CPPED1: variants seen among roughly 807,000 people sequenced by gnomAD.
The protein encoded by CPPED1 is serine/threonine-protein phosphatase CPPED1.
Under a neutral mutation model 28.0 loss-of-function variants are expected in CPPED1, and 28 were observed. That is an observed-to-expected ratio of 1.00 (90% CI 0.74 to 1.37). The LOEUF (loss-of-function observed/expected upper bound fraction) is 1.37. Among genes scored for constraint, CPPED1 ranks in the 40% most tolerant of loss-of-function variants. The pLI, the probability that CPPED1 is intolerant of heterozygous loss-of-function variation, is 0.00. For synonymous variants in CPPED1, 198 were observed against 180.2 expected, an observed-to-expected ratio of 1.10 and a Z score of -0.79; for missense variants, 504 against 416.5, an observed-to-expected ratio of 1.21 and a Z score of -1.83.
Position 12,686,294 on chromosome 16 carries a change from CCTGGG to C in CPPED1, c.715+18325_715+18329del, listed in dbSNP as rs550562614. On this transcript the variant is annotated intron_variant, in intron 3 of 3. Coordinates refer to ENST00000381774, the MANE Select transcript of CPPED1 (RefSeq NM_018340.3). ...ATGTTGCCCAGGCTGGTCATGAACT[CCTGGG>C]CTCAAGTGATCTTCCTCCCTCAGCT... Among the ~76,000 whole-genome samples, 174 of 151,314 alleles carry C rather than the reference CCTGGG, an allele frequency of 1.1e-3. 1 individual carries two copies. Among genetic ancestry groups the C allele is most frequent in the Middle Eastern group, 3.4e-3 (1 of 292 alleles).
At chr16:12,685,189 G>A (rs983781696) in intron 3 of CPPED1, among the ~76,000 whole-genome samples, 3 of 152,184 alleles carry the variant, frequency 2.0e-5, no homozygotes, top group South Asian at 2.1e-4. Context: ...GGCGGCTCAC[G>A]CCTGCAATCC....
intron 3 of CPPED1, among the ~76,000 whole-genome samples, chr16:12,698,119 C>T (rs2080001502): frequency 2.0e-5 from 3 of 151,836 alleles, no homozygotes; most frequent in African/African-American, 7.3e-5. Flanking sequence ...CCAACCCCCA[C>T]CAAAAAAAAG....
At chr16:12,684,500 A>G (rs2079922669) in intron 3 of CPPED1, among the ~76,000 whole-genome samples, 1 of 152,128 alleles carries the variant, frequency 6.6e-6, no homozygotes, top group Non-Finnish European at 1.5e-5. Context: ...GTACAGGACG[A>G]GCTATTTTGT....
intron 2 of CPPED1, among the ~76,000 whole-genome samples, chr16:12,751,897 C>T (rs1255397330): frequency 6.6e-6 from 1 of 152,102 alleles, no homozygotes; most frequent in East Asian, 1.9e-4. Flanking sequence ...AATACCTAAT[C>T]CTCAGTAAGA....
intron 3 of CPPED1, among the ~76,000 whole-genome samples, chr16:12,674,533 C>G (rs965723374): frequency 6.6e-6 from 1 of 152,128 alleles, no homozygotes; most frequent in Non-Finnish European, 1.5e-5. Flanking sequence ...TAAGGGCAAC[C>G]GCTCCAGGTG....
At chr16:12,672,319 C>T (rs555711315) in intron 3 of CPPED1, among the ~76,000 whole-genome samples, 37 of 152,330 alleles carry the variant, frequency 2.4e-4, no homozygotes, top group African/African-American at 8.4e-4. Flanking sequence ...CAGGGAAAAG[C>T]CCAAAGATGT....
At chr16:12,701,758 A>C (rs1317717103) in intron 3 of CPPED1, among the ~76,000 whole-genome samples, 1 of 152,210 alleles carries the variant, frequency 6.6e-6, no homozygotes, top group African/African-American at 2.4e-5. Flanking sequence ...CACAGTGCAG[A>C]GCTGCTGCTA....
In CPPED1 at chr16:12,778,412, G is replaced by A. The variant is rs1008919499; in HGVS notation, c.289+2773C>T. On this transcript the variant is annotated intron_variant, in intron 2 of 3. Coordinates refer to ENST00000381774, the MANE Select transcript of CPPED1 (RefSeq NM_018340.3). ...TGCCTCAGCCCCCCAGAGTAGCTGG[G>A]ATCACAGGTGTACACCACCATGCCC... Among the ~76,000 whole-genome samples the A allele has an allele frequency of 5.4e-4, 81 of 151,098 alleles. 1 individual carries two copies. Among genetic ancestry groups the A allele is most frequent in the Non-Finnish European group, 9.7e-4 (66 of 67,858 alleles).
At chr16:12,711,874 G>C (rs1013854242) in intron 2 of CPPED1, among the ~76,000 whole-genome samples, 1 of 152,158 alleles carries the variant, frequency 6.6e-6, no homozygotes, top group Non-Finnish European at 1.5e-5. Context: ...TGTCCAGTAT[G>C]TAGTATGTGC....
chr16:12,796,534 C>T (rs2080628703), intron 1 of CPPED1, among the ~76,000 whole-genome samples: 1 of 152,036 alleles, frequency 6.6e-6, no homozygotes, highest in East Asian at 1.9e-4. Flanking sequence ...GATACTACTT[C>T]ACACCGATTT....
At chr16:12,756,050 GA>G (rs1287796354) in intron 2 of CPPED1, among the ~76,000 whole-genome samples, 39 of 151,632 alleles carry the variant, frequency 2.6e-4, no homozygotes, top group African/African-American at 9.0e-4. Context: ...AGAATGGCGT[GA>G]ACCCAGGAGG....
intron 3 of CPPED1, among the ~76,000 whole-genome samples, chr16:12,701,107 T>C (rs954010339): frequency 3.3e-5 from 5 of 151,972 alleles, no homozygotes; most frequent in African/African-American, 1.2e-4. Flanking sequence ...CACTCCCCTG[T>C]AGTCCCAGCT....
chr16:12,686,900 T>C (rs2079936372), intron 3 of CPPED1, among the ~76,000 whole-genome samples: 1 of 152,130 alleles, frequency 6.6e-6, no homozygotes, highest in Admixed American at 6.5e-5. Flanking sequence ...AAAGAACTGA[T>C]GGCTCTGTAA....
At chr16:12,679,329 C>G (rs1417916809) in intron 3 of CPPED1, among the ~76,000 whole-genome samples, 2 of 152,112 alleles carry the variant, frequency 1.3e-5, no homozygotes, top group African/African-American at 4.8e-5. Context: ...TTTCTGTAAG[C>G]TTGAAAATAT....
chr16:12,685,352 AG>A (rs1335555670), intron 3 of CPPED1, among the ~76,000 whole-genome samples: 2 of 152,210 alleles, frequency 1.3e-5, no homozygotes, highest in Non-Finnish European at 2.9e-5. Context: ...CAGGAGGCTG[AG>A]GCAAGAGAAT....
chr16:12,706,048 T>C (rs1252030035), intron 2 of CPPED1, among the ~76,000 whole-genome samples: 6 of 152,142 alleles, frequency 3.9e-5, no homozygotes, highest in Admixed American at 2.0e-4. Flanking sequence ...CGTGTAAGAG[T>C]TCAGAATTTC....
In CPPED1 at chr16:12,742,061, G is replaced by A. The variant is rs137881703; in HGVS notation, c.290-37012C>T. Among the ~76,000 whole-genome samples, 764 of 142,748 alleles carry A rather than the reference G, an allele frequency of 5.4e-3. 6 individuals carry two copies. Among genetic ancestry groups the A allele is most frequent in the African/African-American group, 0.019 (731 of 38,412 alleles). The allele number at this position is 142,748 out of a possible 152,430, so 93.6% of individuals were successfully genotyped here. A position where few individuals can be genotyped will look rare whatever the true frequency, so the allele number is the denominator to read the frequency against. ...AGCCTAGGTGACAGAACAAGGCTCC[G>A]TTTCAGAAAATAAAATAAAATAAAT... On this transcript the variant is annotated intron_variant, in intron 2 of 3. Coordinates refer to ENST00000381774, the MANE Select transcript of CPPED1 (RefSeq NM_018340.3).
Position 12,682,160 on chromosome 16 carries a change from G to A in CPPED1, c.716-17045C>T, listed in dbSNP as rs2079908429. Among the ~76,000 whole-genome samples the A allele has an allele frequency of 1.3e-5, 2 of 151,962 alleles. No homozygotes were observed. The highest frequency in any genetic ancestry group is 2.4e-5 in the African/African-American group (1 of 41,370). ...GCAGTTCTCCCTGCCTCAGCCTCCCGAGTAGCTGAGATTACAGGTTCCCGC... is the reference window on the plus strand; with the variant it reads ...GCAGTTCTCCCTGCCTCAGCCTCCCAAGTAGCTGAGATTACAGGTTCCCGC... On this transcript the variant is annotated intron_variant, in intron 3 of 3. Coordinates refer to ENST00000381774, the MANE Select transcript of CPPED1 (RefSeq NM_018340.3). The surrounding 1 kb of genome is among the most constrained non-coding windows in gnomAD (Gnocchi z 6.1).
chr16:12,746,272 G>T (rs919910887), intron 2 of CPPED1, among the ~76,000 whole-genome samples: 1 of 152,032 alleles, frequency 6.6e-6, no homozygotes, highest in Non-Finnish European at 1.5e-5. Context: ...CTACTTGGGA[G>T]GCTGAAGCAG....
Sources: allele counts gnomAD v4.1 joint callset (sites outside exome capture counted in the v4.1 genomes callset), GRCh38; gene constraint gnomAD v4.1.1; non-coding constraint Gnocchi (gnomAD v3.1); transcripts MANE v1.5; gene names NCBI Gene and HGNC (gene_info 2026-07-23, HGNC 2026-07-21).